ACCS: variants seen among roughly 807,000 people sequenced by gnomAD.
ACCS encodes 1-aminocyclopropane-1-carboxylate synthase homolog (inactive).
ACCS carries 42 observed loss-of-function variants against 59.8 expected under a neutral mutation model. The observed-to-expected ratio is 0.70, with a 90% CI of 0.55 to 0.91. The LOEUF (loss-of-function observed/expected upper bound fraction) is 0.91. ACCS is among the 40% of genes least tolerant of loss of function. The pLI, the probability that ACCS is intolerant of heterozygous loss-of-function variation, is 0.00. For missense variants in ACCS, 602 were observed against 630.4 expected (o/e 0.95, Z 0.48); for synonymous variants, 230 against 240.3 (o/e 0.96, Z 0.40).
chr11:44,067,546 AC>A (rs1952846314), intron 1 of ACCS, 81 bp from the exon 2 acceptor site: 4 of 1,395,978 alleles, frequency 2.9e-6, no homozygotes, highest in Non-Finnish European at 3.9e-6. Context: ...GAGAAAGGGG[AC>A]TCCCATGACT....
Position 44,084,054 on chromosome 11 carries a change from G to T in ACCS, c.*262G>T. 1.7e-6 allele frequency: 1 copy of T among 588,034 alleles called. No individual in the cohort carries two copies. Among genetic ancestry groups the T allele is most frequent in the East Asian group, 3.9e-5 (1 of 25,612 alleles). The allele number at this position is 588,034 out of a possible 1,614,324, so 36.4% of individuals were successfully genotyped here. A position where few individuals can be genotyped will look rare whatever the true frequency, so the allele number is the denominator to read the frequency against. ...CCATTGTGAGTTATTTAGAATGGAG[G>T]AGTCGTGACTGCTTCTAACCAGAGC... On this transcript the variant is annotated 3_prime_UTR_variant, in exon 15 of 15. Transcript: ENST00000263776.
chr11:44,078,921 G>A (rs749968549), intron 9 of ACCS, 137 bp downstream of exon 9: 73 of 655,408 alleles, frequency 1.1e-4, no homozygotes, highest in South Asian at 6.2e-4. Context: ...GCAGTGGAGC[G>A]GGGAAGCAGG....
intron 5 of ACCS, 94 bp downstream of exon 5, chr11:44,074,775 T>TCTTTCTTTCTTTCTTTCTTTCTTTC (rs36162993): frequency 2.5e-6 from 1 of 404,818 alleles, no homozygotes; most frequent in African/African-American, 2.4e-5. Flanking sequence ...TTTCTTTCTT[T>TCTTTCTTTCTTTCTTTCTTTCTTTC]TTCTCTCTCT....
rs1565171482 is a variant in ACCS, at chr11:44,071,254, A to AGGGCATCATTAACTT, written c.293_307dup. ...CTCTGCCTCTGTACCTCTCATCTCC[A>AGGGCATCATTAACTT]GGGCATCATTAACTTGGGCACCAGT... is the stretch of plus-strand genomic sequence containing the variant. On this transcript the variant is annotated splice_acceptor_variant, in intron 2 of 14. Transcript: ENST00000263776. LOFTEE classifies it high-confidence loss of function. 6.2e-7 allele frequency: 1 copy of AGGGCATCATTAACTT among 1,614,010 alleles called. No individual in the cohort carries two copies. Among genetic ancestry groups the AGGGCATCATTAACTT allele is most frequent in the Non-Finnish European group, 8.5e-7 (1 of 1,179,962 alleles).
At chr11:44,070,437 C>T (rs571178223) in intron 2 of ACCS, among the ~76,000 whole-genome samples, 1 of 152,230 alleles carries the variant, frequency 6.6e-6, no homozygotes, top group South Asian at 2.1e-4. Flanking sequence ...GGCTCTGTTT[C>T]GAGGAGCTTC....
chr11:44,075,716 G>C (rs1953329084), intron 6 of ACCS, 124 bp downstream of exon 6: 1 of 1,180,300 alleles, frequency 8.5e-7, no homozygotes, highest in Non-Finnish European at 1.2e-6. Flanking sequence ...CTAGACTGCA[G>C]GGGGCTTGAA....
rs1953635569 is a variant in ACCS at position 44,081,382 on chromosome 11, C to G, written c.1111+62C>G. Reference sequence around the variant, plus strand: ...AGGGTTGGAGGCAGCCTGGGAACAGCCAGGAATCATAGATACTTCTCCTAT... The same window carrying G: ...AGGGTTGGAGGCAGCCTGGGAACAGGCAGGAATCATAGATACTTCTCCTAT... On this transcript the variant is annotated intron_variant, in intron 12 of 14. Coordinates refer to ENST00000263776, the MANE Select transcript of ACCS (RefSeq NM_032592.4). The G allele has an allele frequency of 3.8e-6, 6 of 1,594,720 alleles. No homozygotes were observed. In the Admixed American group the frequency reaches 6.8e-5, roughly 18 times the overall value.
Position 44,081,020 on chromosome 11 carries a change from G to C in ACCS, c.924G>C (p.Arg308Ser). Reference protein sequence around the residue: ...VGYRSVLSLERLPDPQRTHVM... With the variant: ...VGYRSVLSLESLPDPQRTHVM... ...TGTTCCCATGCTGTGCTCTCTGCAG[G>C]CTCCCTGACCCCCAGAGGACCCATG... The change falls in exon 11 of 15, where the codon AGG (arginine) becomes AGC (serine). Residue 308 changes from arginine to serine, a missense_variant and splice_region_variant. By Grantham distance (110) the Arg-to-Ser change is moderately radical. Coordinates refer to ENST00000263776, the MANE Select transcript of ACCS (RefSeq NM_032592.4). 1.9e-6 allele frequency: 3 copies of C among 1,614,156 alleles called. No homozygotes were observed. The highest frequency in any genetic ancestry group is 2.5e-6 in the Non-Finnish European group (3 of 1,180,026).
intron 7 of ACCS, 50 bp from the exon 8 acceptor site, chr11:44,077,795 G>T: frequency 6.2e-7 from 1 of 1,600,342 alleles, no homozygotes. Context: ...GTATTTTGGG[G>T]GGCAATGGTC....
At chr11:44,072,314 T>C (rs1953092202) in intron 3 of ACCS, 3 of 152,188 alleles carry the variant, frequency 2.0e-5, no homozygotes, top group Admixed American at 1.3e-4. Context: ...CACACCACCA[T>C]GCCCGGCTAA....
chr11:44,072,460 A>C (rs1344678264), intron 3 of ACCS: 1 of 152,088 alleles, frequency 6.6e-6, no homozygotes, highest in Admixed American at 6.6e-5. Context: ...CCGGCCAGGG[A>C]ATAGATTTTA....
intron 2 of ACCS, among the ~76,000 whole-genome samples, chr11:44,069,868 C>T (rs1016463136): frequency 1.3e-5 from 2 of 152,162 alleles, no homozygotes; most frequent in South Asian, 2.1e-4. Flanking sequence ...ATTAGAAGCA[C>T]GTTGCTAGGC....
intron 2 of ACCS, among the ~76,000 whole-genome samples, chr11:44,070,232 G>A (rs1408306464): frequency 6.6e-6 from 1 of 152,200 alleles, no homozygotes; most frequent in African/African-American, 2.4e-5. Context: ...GGTTTTGAAA[G>A]ATGTCTTGGA....
Position 44,078,673 on chromosome 11 carries a change from G to T in ACCS, c.733-11G>T. 6.2e-7 allele frequency: 1 copy of T among 1,613,674 alleles called. No individual in the cohort carries two copies. ...GAGCTGAGGGTCTCCTGCCCTAACG[G>T]ATGGTTTCAGGGTGTGAAGGTCAAA... On this transcript the variant is annotated splice_polypyrimidine_tract_variant and intron_variant, in intron 8 of 14. Coordinates refer to ENST00000263776, the MANE Select transcript of ACCS (RefSeq NM_032592.4).
Position 44,067,725 on chromosome 11 carries a change from A to C in ACCS, c.98A>C (p.Glu33Ala). 6.2e-7 allele frequency: 1 copy of C among 1,614,224 alleles called. No homozygotes were observed. The highest frequency in any genetic ancestry group is 8.5e-7 in the Non-Finnish European group (1 of 1,180,038). Residue 33 changes from glutamate to alanine, a missense_variant, in exon 2 of 15, where the codon GAA (glutamate) becomes GCA (alanine). Glu to Ala is a moderately radical substitution (Grantham distance 107). Coordinates refer to ENST00000263776, the MANE Select transcript of ACCS (RefSeq NM_032592.4). ...GGCAGTAGCCATGGGGAAGATCTGG[A>C]AGGAGAATGCTCCAGAAAACTGGAC... ...DLGSSHGEDL[E>A]GECSRKLDQK...
intron 12 of ACCS, 149 bp from the exon 13 acceptor site, chr11:44,083,020 G>T: frequency 1.9e-6 from 2 of 1,071,086 alleles, no homozygotes; most frequent in Non-Finnish European, 2.7e-6. Context: ...CCTCCCCTTC[G>T]TAATCCTTCC....
At position 44,079,549 on chromosome 11, in the gene ACCS, T is replaced by C. The variant is rs1285740153; in HGVS notation, c.852T>C (p.Ile284=). 8.1e-6 allele frequency: 13 copies of C among 1,611,480 alleles called. No homozygotes were observed. The highest frequency in any genetic ancestry group is 5.3e-5 in the African/African-American group (4 of 74,880). Residue 284 remains isoleucine, a synonymous_variant, in exon 10 of 15, where the codon ATT becomes ATC. Coordinates refer to ENST00000263776, the MANE Select transcript of ACCS (RefSeq NM_032592.4). ...VFAKRHRLHV[I]VDEVYMLSVF... is the part of the protein sequence containing the mutation. The stretch of plus-strand genomic sequence containing the variant: ...ACTCCAGGCACAGGCTGCATGTGAT[T>C]GTGGATGAGGTCTACATGCTGTCCG...
In ACCS at chr11:44,077,877, C is replaced by T. The variant is rs563395676; in HGVS notation, c.687C>T (p.Leu229=). The T allele has an allele frequency of 3.8e-5, 62 of 1,614,026 alleles. 1 individual carries two copies. In the South Asian group the frequency reaches 6.4e-4, roughly 17 times the overall value. The part of the protein sequence containing the change: ...VTGLDTRPFQ[L]TVEKLEMALR... ...GGCTAGACACACGCCCCTTCCAGCT[C>T]ACAGTGGAGAAGCTGGAGATGGCCC... The change falls in exon 8 of 15, where the codon CTC becomes CTT. Residue 229 remains leucine (L), a synonymous_variant. Coordinates refer to ENST00000263776, the MANE Select transcript of ACCS (RefSeq NM_032592.4).
At chr11:44,082,076 G>C (rs1048292393) in intron 12 of ACCS, 2 of 152,152 alleles carry the variant, frequency 1.3e-5, no homozygotes, top group Admixed American at 1.3e-4. Context: ...TGAGGAAAAT[G>C]AGGACCAGAT....
Sources: gnomAD v4.1 joint callset for allele counts (sites outside exome capture counted in the v4.1 genomes callset) on GRCh38, gnomAD v4.1.1 for gene constraint, MANE v1.5 for transcripts, NCBI Gene and HGNC (gene_info 2026-07-23, HGNC 2026-07-21) for gene names.